The following CTNND2 variants were observed in gnomAD, a reference collection of about 807,000 sequenced individuals.
The protein encoded by CTNND2 is catenin delta-2.
Under a neutral mutation model 144.4 loss-of-function variants are expected in CTNND2, and 22 were observed. The ratio of observed to expected loss-of-function variants is 0.15; its 90% CI spans 0.11 to 0.22. CTNND2 has a LOEUF of 0.22. CTNND2 is among the 10% of genes least tolerant of loss of function. CTNND2 has a pLI of 1.00. For missense variants in CTNND2, 1,353 were observed against 1,618.8 expected (o/e 0.84, Z 2.82); for synonymous variants, 751 against 695.6 (o/e 1.08, Z -1.25).
chr5:11,202,930 G>A (rs1379765095), intron 10 of CTNND2, among the ~76,000 whole-genome samples: 2 of 151,836 alleles, frequency 1.3e-5, no homozygotes, highest in Non-Finnish European at 2.9e-5. Context: ...TCAGCCTCCC[G>A]AGTAGCTGGG....
chr5:11,747,507 G>C (rs902415089), intron 1 of CTNND2, among the ~76,000 whole-genome samples: 3 of 152,104 alleles, frequency 2.0e-5, no homozygotes, highest in Non-Finnish European at 2.9e-5. Flanking sequence ...TCAGGTTCTG[G>C]AGTTCCTCTC....
At chr5:11,596,036 C>T (rs917498291) in intron 2 of CTNND2, among the ~76,000 whole-genome samples, 34 of 152,284 alleles carry the variant, frequency 2.2e-4, no homozygotes, top group South Asian at 2.1e-3. Context: ...CATGCACACA[C>T]GCAAGCGCAA....
At chr5:11,587,924 T>C (rs1037714018) in intron 2 of CTNND2, among the ~76,000 whole-genome samples, 1 of 152,108 alleles carries the variant, frequency 6.6e-6, no homozygotes, top group African/African-American at 2.4e-5. Flanking sequence ...ACAATTTTTT[T>C]TTTTTAACTA....
intron 9 of CTNND2, among the ~76,000 whole-genome samples, chr5:11,274,558 C>A (rs1461087920): frequency 5.4e-5 from 8 of 147,636 alleles, no homozygotes; most frequent in Non-Finnish European, 1.2e-4. Context: ...ACAATTTTCA[C>A]AGAAAGTTGA....
intron 9 of CTNND2, among the ~76,000 whole-genome samples, chr5:11,286,628 T>C (rs1482363390): frequency 2.0e-5 from 3 of 152,110 alleles, no homozygotes. Context: ...CAGGGATAAC[T>C]GGGGTAATGC....
At chr5:11,640,918 G>C (rs1358163673) in intron 2 of CTNND2, among the ~76,000 whole-genome samples, 5 of 152,050 alleles carry the variant, frequency 3.3e-5, no homozygotes, top group Non-Finnish European at 7.4e-5. Flanking sequence ...ATCCCAGATG[G>C]CATTAGGAAC....
chr5:11,742,346 C>T (rs1223819626), intron 1 of CTNND2, among the ~76,000 whole-genome samples: 1 of 152,104 alleles, frequency 6.6e-6, no homozygotes, highest in Non-Finnish European at 1.5e-5. Context: ...TCTTCTTTTA[C>T]CTTCAGCAAC....
intron 16 of CTNND2, among the ~76,000 whole-genome samples, chr5:11,027,718 T>A (rs1743005440): frequency 6.6e-6 from 1 of 152,180 alleles, no homozygotes; most frequent in Admixed American, 6.5e-5. Context: ...TATTTTCTCT[T>A]TACAGTGCTT....
At chr5:11,552,162 T>C (rs1775819797) in intron 3 of CTNND2, among the ~76,000 whole-genome samples, 1 of 152,214 alleles carries the variant, frequency 6.6e-6, no homozygotes, top group Admixed American at 6.5e-5. Context: ...CATTAAACCC[T>C]TGGGAATACT....
chr5:11,810,006 G>C (rs1390871319), intron 1 of CTNND2, among the ~76,000 whole-genome samples: 1 of 152,124 alleles, frequency 6.6e-6, no homozygotes, highest in Non-Finnish European at 1.5e-5. Context: ...TACAGAACCT[G>C]ACAATACCTT....
At chr5:11,855,747 CT>C in intron 1 of CTNND2, among the ~76,000 whole-genome samples, 1 of 152,118 alleles carries the variant, frequency 6.6e-6, no homozygotes, top group East Asian at 1.9e-4. Flanking sequence ...ACCTGGCAAC[CT>C]CTCAGATATG....
At chr5:11,451,246 C>T (rs909473713) in intron 3 of CTNND2, among the ~76,000 whole-genome samples, 3 of 151,992 alleles carry the variant, frequency 2.0e-5, no homozygotes, top group Admixed American at 6.6e-5. Context: ...CATATAATCA[C>T]CTATTTAAAA....
intron 2 of CTNND2, among the ~76,000 whole-genome samples, chr5:11,660,733 G>C (rs1783156461): frequency 6.6e-6 from 1 of 152,106 alleles, no homozygotes; most frequent in Non-Finnish European, 1.5e-5. Flanking sequence ...TATTAGTCTA[G>C]TTTGCATGTG....
At chr5:11,815,357 G>A (rs1464785912) in intron 1 of CTNND2, among the ~76,000 whole-genome samples, 3 of 152,102 alleles carry the variant, frequency 2.0e-5, no homozygotes, top group Admixed American at 2.0e-4. Context: ...TCATAATTAT[G>A]CCTACTTTTA....
chr5:11,126,943 CT>C (rs986687442), intron 12 of CTNND2, among the ~76,000 whole-genome samples: 1 of 152,174 alleles, frequency 6.6e-6, no homozygotes, highest in African/African-American at 2.4e-5. Context: ...AAAATGCGTA[CT>C]TTTAGATGCA....
At chr5:11,286,062 A>AG (rs1306698545) in intron 9 of CTNND2, among the ~76,000 whole-genome samples, 1 of 152,080 alleles carries the variant, frequency 6.6e-6, no homozygotes, top group African/African-American at 2.4e-5. Context: ...GAAAAAAAAA[A>AG]CAGATCCCTA....
At chr5:11,268,522 G>C (rs1319046490) in intron 9 of CTNND2, among the ~76,000 whole-genome samples, 1 of 152,194 alleles carries the variant, frequency 6.6e-6, no homozygotes, top group Non-Finnish European at 1.5e-5. Flanking sequence ...CTTGACCTGA[G>C]AGGTGGAGGT....
intron 3 of CTNND2, among the ~76,000 whole-genome samples, chr5:11,427,239 AT>A (rs1446601669): frequency 7.1e-6 from 1 of 140,802 alleles, no homozygotes; most frequent in African/African-American, 2.6e-5. Flanking sequence ...AAGCCTTAGT[AT>A]TTTTTTAGTA....
At chr5:11,837,858 C>T (rs115399810) in intron 1 of CTNND2, among the ~76,000 whole-genome samples, 34 of 152,198 alleles carry the variant, frequency 2.2e-4, no homozygotes, top group Non-Finnish European at 4.0e-4. Context: ...TATTGAAACT[C>T]TAGGTCATTT....
Sources: allele counts gnomAD v4.1 joint callset (sites outside exome capture counted in the v4.1 genomes callset), GRCh38; gene constraint gnomAD v4.1.1; transcripts MANE v1.5; gene names NCBI Gene and HGNC (gene_info 2026-07-23, HGNC 2026-07-21).